Variants in FYCO1 observed in about 807,000 individuals in gnomAD.
FYCO1 encodes the protein FYVE and coiled-coil domain-containing protein 1.
A neutral mutation model predicts 165.1 loss-of-function variants in FYCO1; 122 were observed. The ratio of observed to expected loss-of-function variants is 0.74; its 90% CI spans 0.64 to 0.86. FYCO1 has a LOEUF of 0.86. Ranked by LOEUF, FYCO1 falls within the 40% of genes least tolerant of loss-of-function variation. The pLI, the probability that FYCO1 is intolerant of heterozygous loss-of-function variation, is 0.00. For missense variants in FYCO1, 1,702 were observed against 1,810.3 expected, an observed-to-expected ratio of 0.94 and a Z score of 1.09; for synonymous variants, 648 against 742.5, an observed-to-expected ratio of 0.87 and a Z score of 2.07.
intron 14 of FYCO1, among the ~76,000 whole-genome samples, chr3:45,938,957 G>A (rs1456472139): frequency 6.6e-6 from 1 of 152,182 alleles, no homozygotes; most frequent in African/African-American, 2.4e-5. Context: ...GACCACTAGA[G>A]GGCACCCCAC....
chr3:45,987,087 A>T (rs1255988049), intron 1 of FYCO1, among the ~76,000 whole-genome samples: 1 of 152,210 alleles, frequency 6.6e-6, no homozygotes, highest in East Asian at 1.9e-4. Context: ...ACAAAACAAC[A>T]TGGAGGAATC....
In FYCO1 at chr3:45,964,593, C is replaced by T. The variant is rs189815147; in HGVS notation, c.3151-139G>A. Reference sequence around the variant, plus strand: ...GTTGTTTCCTATTAAGTTCAAGAGGCCATGAACCTCTGCTCTATATTTGTG... The same window carrying T: ...GTTGTTTCCTATTAAGTTCAAGAGGTCATGAACCTCTGCTCTATATTTGTG... On this transcript the variant is annotated intron_variant, in intron 9 of 17. Coordinates refer to ENST00000296137, the MANE Select transcript of FYCO1 (RefSeq NM_024513.4). This position sits in a 1 kb window ranked among gnomAD's most constrained non-coding sequence, Gnocchi z 4.1. The T allele has an allele frequency of 4.2e-4, 626 of 1,500,116 alleles. No homozygotes were observed. Among genetic ancestry groups the T allele is most frequent in the Admixed American group, 6.1e-4 (31 of 50,682 alleles). 92.9% of individuals were successfully genotyped at this position (1,500,116 alleles called of 1,614,324 possible).
At chr3:45,969,826 C>G in intron 6 of FYCO1, 61 bp from the exon 7 acceptor site, 2 of 1,425,502 alleles carry the variant, frequency 1.4e-6, no homozygotes, top group Non-Finnish European at 2.0e-6. Context: ...ACATGGAGGC[C>G]TTGCTGGTCA....
Position 45,928,179 on chromosome 3 carries a change from AACTC to A in FYCO1, c.4251+2888_4251+2891del, listed in dbSNP as rs1403819306. Among the ~76,000 whole-genome samples, 10 of 152,334 alleles carry A rather than the reference AACTC, an allele frequency of 6.6e-5. No individual in the cohort carries two copies. The East Asian group carries it at 1.7e-3, about 26-fold the overall frequency. The stretch of plus-strand genomic sequence containing the variant: ...AATTAGACAGTGGTAATGGTGGTAC[AACTC>A]TGTGAATATACTAAAAACCATTAAA... On this transcript the variant is annotated intron_variant, in intron 16 of 17. Coordinates refer to ENST00000296137, the MANE Select transcript of FYCO1 (RefSeq NM_024513.4).
Position 45,993,660 on chromosome 3 carries a change from T to C in FYCO1, c.-113+2062A>G, listed in dbSNP as rs1485201428. 6.6e-6 allele frequency among the ~76,000 whole-genome samples: 1 copy of C among 152,240 alleles called. No individual in the cohort carries two copies. The highest frequency in any genetic ancestry group is 1.5e-5 in the Non-Finnish European group (1 of 68,040). ...CTGACCATAATGGACTCATCTGTGC[T>C]CACAAGTTGCCTCTGTAATCACAGG... is the stretch of plus-strand genomic sequence containing the variant. On this transcript the variant is annotated intron_variant, in intron 1 of 17. Coordinates refer to ENST00000296137, the MANE Select transcript of FYCO1 (RefSeq NM_024513.4). This position sits in a 1 kb window ranked among gnomAD's most constrained non-coding sequence, Gnocchi z 4.4.
intron 1 of FYCO1, among the ~76,000 whole-genome samples, chr3:45,992,209 A>G (rs1172687519): frequency 6.6e-6 from 1 of 152,178 alleles, no homozygotes; most frequent in East Asian, 1.9e-4. Flanking sequence ...GAAAGTGTGC[A>G]TGTGACACCA....
chr3:45,987,313 G>T (rs1468052138), intron 1 of FYCO1, among the ~76,000 whole-genome samples: 2 of 152,152 alleles, frequency 1.3e-5, no homozygotes. Flanking sequence ...ATGGTTACAT[G>T]ACTATATGTA....
intron 13 of FYCO1, 90 bp from the exon 14 acceptor site, chr3:45,955,483 C>T: frequency 1.4e-6 from 2 of 1,411,654 alleles, no homozygotes; most frequent in Non-Finnish European, 2.0e-6. Context: ...TGAGAGAGTG[C>T]AGCTATGCAG....
At chr3:45,988,356 A>G (rs532895170) in intron 1 of FYCO1, among the ~76,000 whole-genome samples, 1 of 152,198 alleles carries the variant, frequency 6.6e-6, no homozygotes, top group Non-Finnish European at 1.5e-5. Flanking sequence ...AACATGGCCA[A>G]CTTCCTTGTG....
At chr3:45,928,892 AT>A (rs1456405302) in intron 16 of FYCO1, among the ~76,000 whole-genome samples, 1 of 152,108 alleles carries the variant, frequency 6.6e-6, no homozygotes. Flanking sequence ...TCATCTTTCT[AT>A]CCCCCGTGGG....
At chr3:45,935,823 A>G (rs960904874) in intron 15 of FYCO1, among the ~76,000 whole-genome samples, 7 of 152,190 alleles carry the variant, frequency 4.6e-5, no homozygotes, top group African/African-American at 1.7e-4. Flanking sequence ...GACATGCTCT[A>G]AGCACCTAAA....
chr3:45,940,393 G>A (rs1704153087), intron 14 of FYCO1, among the ~76,000 whole-genome samples: 1 of 152,176 alleles, frequency 6.6e-6, no homozygotes, highest in African/African-American at 2.4e-5. Context: ...ACACTAAGAG[G>A]CAAAATGGCA....
chr3:45,987,820 G>C (rs753631271), intron 1 of FYCO1, among the ~76,000 whole-genome samples: 1 of 152,230 alleles, frequency 6.6e-6, no homozygotes, highest in African/African-American at 2.4e-5. Context: ...GAACCAACCA[G>C]CTGGATTTTC....
At chr3:45,983,829 G>A (rs76994611) in intron 2 of FYCO1, among the ~76,000 whole-genome samples, 9 of 152,298 alleles carry the variant, frequency 5.9e-5, no homozygotes, top group East Asian at 3.9e-4. Flanking sequence ...GAAAGTGCCC[G>A]GTGCACATGA....
intron 6 of FYCO1, 82 bp downstream of exon 6, chr3:45,973,006 G>A (rs1706528796): frequency 1.3e-6 from 2 of 1,491,138 alleles, no homozygotes; most frequent in Non-Finnish European, 1.9e-6. Context: ...AAGCAAAATT[G>A]TTTTGAGTAG....
Position 45,921,794 on chromosome 3 carries a change from C to T in FYCO1, c.4408G>A (p.Val1470Met). ...AGGAAATCACTTCCATCGTAGATCA[C>T]AGGCCGATCAACCGTCAAGTGATAA... ...VFYHLTVDRP[V>M]IYDGSDFL The change falls in exon 18 of 18, where the codon GTG becomes ATG. Residue 1470 changes from valine to methionine, a missense_variant. By Grantham distance (21) the Val-to-Met change is conservative. Coordinates refer to ENST00000296137, the MANE Select transcript of FYCO1 (RefSeq NM_024513.4). 1 of 1,612,986 alleles carries T rather than the reference C, an allele frequency of 6.2e-7. No individual in the cohort carries two copies. The highest frequency in any genetic ancestry group is 8.5e-7 in the Non-Finnish European group (1 of 1,178,910).
chr3:45,976,614 G>C (rs938754180), intron 4 of FYCO1, among the ~76,000 whole-genome samples: 1 of 152,138 alleles, frequency 6.6e-6, no homozygotes, highest in Admixed American at 6.5e-5. Flanking sequence ...GGGGGAAGGG[G>C]GAGCAGTGGT....
At position 45,966,867 on chromosome 3, in the gene FYCO1, G is replaced by A; in HGVS notation, c.2467C>T (p.His823Tyr). The A allele has an allele frequency of 6.2e-7, 1 of 1,612,890 alleles. No individual in the cohort carries two copies. Among genetic ancestry groups the A allele is most frequent in the African/African-American group, 1.3e-5 (1 of 75,066 alleles). The part of the protein sequence containing the change: ...LSMAEAVLRE[H>Y]KTLVQQLKEQ... ...TTCAGCTGCTGCACAAGGGTTTTGT[G>A]CTCCCTCAGGACGGCCTCAGCCATG... The change falls in exon 8 of 18, where the codon CAC becomes TAC. Residue 823 changes from histidine to tyrosine, a missense_variant. His to Tyr is a moderately conservative substitution (Grantham distance 83). Transcript: ENST00000296137.
Position 45,947,142 on chromosome 3 carries a change from G to A in FYCO1, c.3944+8107C>T, listed in dbSNP as rs1250018997. Reference sequence around the variant, plus strand: ...AGTCATAATCAAAACACTGCTTCATGCTGGAGGCTTCCAGAAGCACAGATC... The same window carrying A: ...AGTCATAATCAAAACACTGCTTCATACTGGAGGCTTCCAGAAGCACAGATC... On this transcript the variant is annotated intron_variant, in intron 14 of 17. Coordinates refer to ENST00000296137, the MANE Select transcript of FYCO1 (RefSeq NM_024513.4). 19 of 1,614,078 alleles carry A rather than the reference G, an allele frequency of 1.2e-5. No homozygotes were observed. The highest frequency in any genetic ancestry group is 1.5e-5 in the Non-Finnish European group (18 of 1,180,036).
Sources: allele counts gnomAD v4.1 joint callset (sites outside exome capture counted in the v4.1 genomes callset), GRCh38; gene constraint gnomAD v4.1.1; non-coding constraint Gnocchi (gnomAD v3.1); transcripts MANE v1.5; gene names NCBI Gene and HGNC (gene_info 2026-07-23, HGNC 2026-07-21).